GRXCR1: variants seen among roughly 807,000 people sequenced by gnomAD.
GRXCR1 encodes glutaredoxin and cysteine rich domain containing 1.
GRXCR1 carries 27 observed loss-of-function variants against 27.3 expected under a neutral mutation model. That is an observed-to-expected ratio of 0.99 (90% CI 0.73 to 1.37). The LOEUF (loss-of-function observed/expected upper bound fraction) is 1.37. GRXCR1 is among the 40% of genes most tolerant of loss of function. The probability of loss-of-function intolerance (pLI) is 0.00; values close to 1 mark genes in which losing one functional copy is unlikely to be tolerated. For missense variants in GRXCR1, 379 were observed against 354.4 expected (o/e 1.07, Z -0.56); for synonymous variants, 122 against 131.1 (o/e 0.93, Z 0.47).
At chr4:42,913,801 C>T (rs939055890) in intron 1 of GRXCR1, among the ~76,000 whole-genome samples, 2 of 152,116 alleles carry the variant, frequency 1.3e-5, no homozygotes, top group Non-Finnish European at 2.9e-5. Context: ...GAGCCCAGGG[C>T]CCCCGCTTCT....
chr4:42,975,072 G>C (rs762315797), intron 2 of GRXCR1, among the ~76,000 whole-genome samples: 3 of 152,068 alleles, frequency 2.0e-5, no homozygotes, highest in Admixed American at 6.6e-5. Flanking sequence ...CTATGGCCAA[G>C]GGACTTAGAG....
intron 1 of GRXCR1, among the ~76,000 whole-genome samples, chr4:42,948,074 G>A (rs534775002): frequency 7.6e-4 from 116 of 152,158 alleles, no homozygotes; most frequent in Non-Finnish European, 1.4e-3. Flanking sequence ...AAGCTGAGCT[G>A]AAAAATTATC....
intron 2 of GRXCR1, among the ~76,000 whole-genome samples, chr4:42,997,920 T>C (rs1163177229): frequency 6.6e-6 from 1 of 152,210 alleles, no homozygotes; most frequent in African/African-American, 2.4e-5. Flanking sequence ...ACAAACTCTC[T>C]TTTCCATGTC....
intron 1 of GRXCR1, among the ~76,000 whole-genome samples, chr4:42,928,023 G>A (rs920004971): frequency 1.3e-5 from 2 of 151,956 alleles, no homozygotes; most frequent in African/African-American, 4.8e-5. Context: ...CTTCAGAGGG[G>A]CAAGGAATCT....
chr4:42,946,667 T>G (rs1468971770), intron 1 of GRXCR1, among the ~76,000 whole-genome samples: 1 of 152,158 alleles, frequency 6.6e-6, no homozygotes, highest in Non-Finnish European at 1.5e-5. Flanking sequence ...TATCCTCACA[T>G]GGTGAAAGGA....
Position 43,016,633 on chromosome 4 carries a change from TTGTGTG to T in GRXCR1, c.628-3702_628-3697del, listed in dbSNP as rs34018617. Among the ~76,000 whole-genome samples, 291 of 149,936 alleles carry T rather than the reference TTGTGTG, an allele frequency of 1.9e-3. 2 individuals are homozygous for T. Among genetic ancestry groups the T allele is most frequent in the African/African-American group, 6.7e-3 (272 of 40,902 alleles). On this transcript the variant is annotated intron_variant, in intron 2 of 3. Coordinates refer to ENST00000399770, the MANE Select transcript of GRXCR1 (RefSeq NM_001080476.3). ...TCAGTAACGGGAAGCAGTTGTGTGTTTGTGTGTGTGTGTGTGTGTGTGTGCATGTGT... is the reference window on the plus strand; with the variant it reads ...TCAGTAACGGGAAGCAGTTGTGTGTTTGTGTGTGTGTGTGTGTGCATGTGT...
At chr4:42,996,650 C>T (rs1254410434) in intron 2 of GRXCR1, among the ~76,000 whole-genome samples, 1 of 151,710 alleles carries the variant, frequency 6.6e-6, no homozygotes, top group African/African-American at 2.4e-5. Context: ...TGAATTTATA[C>T]AGCAAAACTG....
intron 1 of GRXCR1, among the ~76,000 whole-genome samples, chr4:42,928,593 C>G (rs752446619): frequency 6.6e-6 from 1 of 151,952 alleles, no homozygotes. Context: ...GTTTGTTATA[C>G]TCACAGGTTT....
chr4:42,995,092 A>G (rs780444813), intron 2 of GRXCR1, among the ~76,000 whole-genome samples: 4 of 152,148 alleles, frequency 2.6e-5, no homozygotes, highest in Non-Finnish European at 4.4e-5. Context: ...TCCTTAGTCT[A>G]TATACATAAA....
chr4:42,932,422 A>G (rs547039975), intron 1 of GRXCR1, among the ~76,000 whole-genome samples: 3 of 129,070 alleles, frequency 2.3e-5, no homozygotes, highest in African/African-American at 8.8e-5. Context: ...GAGAAAATAC[A>G]TTACTCCTCC....
intron 1 of GRXCR1, among the ~76,000 whole-genome samples, chr4:42,912,374 T>C (rs1746741595): frequency 1.3e-5 from 2 of 152,316 alleles, no homozygotes; most frequent in Middle Eastern, 3.4e-3. Context: ...TCATTTTTTA[T>C]ATTGACACAT....
At chr4:42,934,540 A>C (rs569728569) in intron 1 of GRXCR1, among the ~76,000 whole-genome samples, 125 of 152,028 alleles carry the variant, frequency 8.2e-4, no homozygotes, top group African/African-American at 2.8e-3. Context: ...TAGGTCACAC[A>C]TAAAGGAAGA....
chr4:42,979,257 G>C (rs953157567), intron 2 of GRXCR1, among the ~76,000 whole-genome samples: 2 of 152,006 alleles, frequency 1.3e-5, no homozygotes, highest in Admixed American at 1.3e-4. Flanking sequence ...TCCTTGTCTT[G>C]TTCTAGATCT....
intron 1 of GRXCR1, among the ~76,000 whole-genome samples, chr4:42,894,492 T>C (rs1206857661): frequency 3.9e-5 from 6 of 152,206 alleles, no homozygotes; most frequent in Non-Finnish European, 7.4e-5. Context: ...TGTAATTCCT[T>C]TTTATATTCT....
At chr4:42,949,354 C>CAAAAAA (rs10622265) in intron 1 of GRXCR1, among the ~76,000 whole-genome samples, 3 of 81,146 alleles carry the variant, frequency 3.7e-5, no homozygotes, top group Non-Finnish European at 4.6e-5. Flanking sequence ...GACTCCATCT[C>CAAAAAA]AAAAAAAAAA....
rs963476541 is a variant in GRXCR1, at chr4:42,949,218, A to G, written c.385-13674A>G. Among the ~76,000 whole-genome samples the G allele has an allele frequency of 5.9e-5, 9 of 151,920 alleles. No homozygotes were observed. The East Asian group carries it at 7.8e-4, about 13-fold the overall frequency. On this transcript the variant is annotated intron_variant, in intron 1 of 3. Coordinates refer to ENST00000399770, the MANE Select transcript of GRXCR1 (RefSeq NM_001080476.3). ...AAAATACACACACACACAAAAAAAA[A>G]GCTGGGTGTGGTGGCCCGTGCCTAT...
At chr4:42,934,162 A>G (rs1418831017) in intron 1 of GRXCR1, among the ~76,000 whole-genome samples, 2 of 151,726 alleles carry the variant, frequency 1.3e-5, no homozygotes, top group Non-Finnish European at 2.9e-5. Flanking sequence ...ACACAGGTAG[A>G]GACAGTTAAC....
intron 2 of GRXCR1, among the ~76,000 whole-genome samples, chr4:42,980,397 C>T (rs966390433): frequency 4.0e-5 from 6 of 151,818 alleles, no homozygotes; most frequent in Non-Finnish European, 8.8e-5. Flanking sequence ...CTTCATTCAA[C>T]CGTTGATTTT....
At chr4:42,914,485 T>A (rs1251116529) in intron 1 of GRXCR1, among the ~76,000 whole-genome samples, 2 of 152,240 alleles carry the variant, frequency 1.3e-5, no homozygotes, top group Non-Finnish European at 2.9e-5. Context: ...GTGGCTGTAT[T>A]TACCCAGCAC....
Sources: allele counts gnomAD v4.1 joint callset (sites outside exome capture counted in the v4.1 genomes callset), GRCh38; gene constraint gnomAD v4.1.1; transcripts MANE v1.5; gene names NCBI Gene and HGNC (gene_info 2026-07-23, HGNC 2026-07-21).